Variants in PDS5A observed in about 807,000 individuals in gnomAD.
The protein encoded by PDS5A is PDS5 cohesin associated factor A, also known as sister chromatid cohesion protein PDS5 homolog A.
In PDS5A, 42 loss-of-function variants were observed where a neutral mutation model predicts 167.1. That is an observed-to-expected ratio of 0.25 (90% confidence interval 0.20 to 0.33). PDS5A has a LOEUF of 0.33. Ranked by LOEUF, PDS5A falls within the 10% of genes least tolerant of loss-of-function variation. The pLI is 1.00. For missense variants in PDS5A, 1,033 were observed against 1,605.9 expected, an observed-to-expected ratio of 0.64 and a Z score of 6.10; for synonymous variants, 553 against 554.6, an observed-to-expected ratio of 1.00 and a Z score of 0.04.
At chr4:39,972,161 C>A (rs1044573886) in intron 2 of PDS5A, among the ~76,000 whole-genome samples, 1 of 152,200 alleles carries the variant, frequency 6.6e-6, no homozygotes, top group South Asian at 2.1e-4. Context: ...TTCTGATAAT[C>A]GATTTTCAAA....
intron 2 of PDS5A, among the ~76,000 whole-genome samples, chr4:39,947,730 G>A (rs768883128): frequency 4.6e-5 from 7 of 152,118 alleles, no homozygotes; most frequent in Non-Finnish European, 4.4e-5. Flanking sequence ...CTGTGAGTTG[G>A]ACCAAGCTTG....
chr4:39,975,940 G>A (rs1731042491), intron 2 of PDS5A, among the ~76,000 whole-genome samples: 1 of 152,184 alleles, frequency 6.6e-6, no homozygotes, highest in Admixed American at 6.6e-5. Flanking sequence ...TGAACGTATA[G>A]ACTTAAATCA....
At chr4:39,931,648 G>A (rs976280395) in intron 2 of PDS5A, among the ~76,000 whole-genome samples, 2 of 152,180 alleles carry the variant, frequency 1.3e-5, no homozygotes, top group African/African-American at 4.8e-5. Context: ...AGATCCAAGA[G>A]AGCAAATATG....
intron 6 of PDS5A, among the ~76,000 whole-genome samples, chr4:39,922,298 G>A (rs764519754): frequency 4.6e-5 from 7 of 152,124 alleles, no homozygotes; most frequent in Non-Finnish European, 7.4e-5. Flanking sequence ...TAAAAAGGAG[G>A]AAATACATTT....
chr4:39,845,706 C>T (rs1456449080), intron 29 of PDS5A, 112 bp downstream of exon 29: 10 of 1,126,676 alleles, frequency 8.9e-6, no homozygotes, highest in Non-Finnish European at 1.1e-5. Flanking sequence ...ATAATGTGAT[C>T]CCTAAGAATC....
intron 2 of PDS5A, among the ~76,000 whole-genome samples, chr4:39,934,856 C>T (rs116037446): frequency 0.011 from 1,675 of 151,978 alleles, 15 homozygotes; most frequent in Non-Finnish European, 0.018. Context: ...TTCTTGGTGA[C>T]GTGCCTCTCC....
intron 2 of PDS5A, among the ~76,000 whole-genome samples, chr4:39,953,219 C>T (rs1158681542): frequency 6.6e-6 from 1 of 152,134 alleles, no homozygotes; most frequent in African/African-American, 2.4e-5. Flanking sequence ...TACAGTGAAG[C>T]TGAGTTTGTC....
chr4:39,902,400 C>T lies in PDS5A; in HGVS notation c.1446G>A (p.Glu482=), dbSNP rs976290724. 1 of 1,596,776 alleles carries T rather than the reference C, an allele frequency of 6.3e-7. No homozygotes were observed. The highest frequency in any genetic ancestry group is 8.6e-7 in the Non-Finnish European group (1 of 1,167,758). The part of the protein sequence containing the change: ...YLVPHNLETE[E]RMKCLYYLYA... ...ATAAGTAATATAAGCATTTCATTCT[C>T]TCTTCTGTTTCCAGGTTGTGGGGGA... The change falls in exon 13 of 33, where the codon GAG becomes GAA. Residue 482 remains glutamate (E), a synonymous_variant. Transcript: ENST00000303538.
chr4:39,956,493 A>AT (rs1235245062), intron 2 of PDS5A, among the ~76,000 whole-genome samples: 3 of 134,892 alleles, frequency 2.2e-5, no homozygotes, highest in African/African-American at 7.5e-5. Context: ...ACTGTCTCAA[A>AT]AAAAAAAAAA....
At chr4:39,947,635 AAT>A (rs1421169535) in intron 2 of PDS5A, among the ~76,000 whole-genome samples, 3 of 152,180 alleles carry the variant, frequency 2.0e-5, no homozygotes, top group Admixed American at 6.5e-5. Flanking sequence ...AAAATTGCAC[AAT>A]AGTCTCATAA....
At chr4:39,943,723 C>T (rs1476103851) in intron 2 of PDS5A, among the ~76,000 whole-genome samples, 1 of 151,798 alleles carries the variant, frequency 6.6e-6, no homozygotes, top group Non-Finnish European at 1.5e-5. Flanking sequence ...ATAAGAATTG[C>T]TTGAACCTGG....
intron 11 of PDS5A, 131 bp from the exon 12 acceptor site, chr4:39,904,322 A>C: frequency 2.0e-6 from 1 of 489,830 alleles, no homozygotes; most frequent in Non-Finnish European, 3.5e-6. Context: ...ATTTCTCTTC[A>C]AAAGAGGCTT....
At chr4:39,906,957 C>G (rs1400548237) in intron 11 of PDS5A, among the ~76,000 whole-genome samples, 2 of 120,430 alleles carry the variant, frequency 1.7e-5, no homozygotes, top group South Asian at 5.2e-4. Flanking sequence ...GCAATAAAAT[C>G]TTAAGATGAA....
intron 2 of PDS5A, among the ~76,000 whole-genome samples, chr4:39,948,210 CAAAAAAAAA>C (rs35177594): frequency 1.0e-4 from 10 of 96,460 alleles, no homozygotes; most frequent in Admixed American, 3.6e-4. Flanking sequence ...TATCCCGTCT[CAAAAAAAAA>C]AAAAAAAAAA....
At chr4:39,875,891 A>T (rs1404881665) in intron 19 of PDS5A, among the ~76,000 whole-genome samples, 2 of 152,156 alleles carry the variant, frequency 1.3e-5, no homozygotes, top group Non-Finnish European at 2.9e-5. Context: ...ATAAAATAAT[A>T]CAGAAAGTCA....
At chr4:39,869,572 C>T (rs1361111379) in intron 21 of PDS5A, 110 bp from the exon 22 acceptor site, 4 of 703,088 alleles carry the variant, frequency 5.7e-6, no homozygotes, top group African/African-American at 3.6e-5. Context: ...CCTACGGGAA[C>T]ATCACCAACC....
intron 2 of PDS5A, among the ~76,000 whole-genome samples, chr4:39,939,797 C>CA (rs1183203771): frequency 1.3e-5 from 2 of 150,996 alleles, no homozygotes; most frequent in Admixed American, 6.6e-5. Context: ...ACTTCGTTTC[C>CA]AAAAAAACAA....
intron 2 of PDS5A, among the ~76,000 whole-genome samples, chr4:39,951,499 CTGA>C (rs1728352413): frequency 6.6e-6 from 1 of 151,474 alleles, no homozygotes; most frequent in African/African-American, 2.4e-5. Context: ...AAATCTTGTG[CTGA>C]TAACAACTGA....
chr4:39,905,781 A>G (rs1028423384), intron 11 of PDS5A, among the ~76,000 whole-genome samples: 1 of 152,034 alleles, frequency 6.6e-6, no homozygotes, highest in Non-Finnish European at 1.5e-5. Flanking sequence ...TCTGACGAAG[A>G]AAGGAAGGAA....
Sources: gnomAD v4.1 joint callset for allele counts (sites outside exome capture counted in the v4.1 genomes callset) on GRCh38, gnomAD v4.1.1 for gene constraint, MANE v1.5 for transcripts, NCBI Gene and HGNC (gene_info 2026-07-23, HGNC 2026-07-21) for gene names.